SEPTIN9: variants seen among roughly 807,000 people sequenced by gnomAD.
The protein encoded by SEPTIN9 is septin 9, also known as septin-9.
Under a neutral mutation model 56.6 loss-of-function variants are expected in SEPTIN9, and 13 were observed. The observed-to-expected ratio is 0.23, with a 90% CI of 0.15 to 0.37. SEPTIN9 has a LOEUF of 0.37. Ranked by LOEUF, SEPTIN9 falls within the 10% of genes least tolerant of loss-of-function variation. The pLI is 1.00. For synonymous variants in SEPTIN9, 332 were observed against 334.1 expected, an observed-to-expected ratio of 0.99 and a Z score of 0.07; for missense variants, 650 against 823.1, an observed-to-expected ratio of 0.79 and a Z score of 2.57.
chr17:77,461,265 C>G (rs901260685), intron 3 of SEPTIN9, among the ~76,000 whole-genome samples: 11 of 152,118 alleles, frequency 7.2e-5, no homozygotes, highest in African/African-American at 2.7e-4. Context: ...GAGATCACAC[C>G]ACTGCACTCC....
intron 2 of SEPTIN9, among the ~76,000 whole-genome samples, chr17:77,379,385 C>T (rs182858281): frequency 9.5e-4 from 144 of 151,928 alleles, no homozygotes; most frequent in African/African-American, 3.3e-3. Flanking sequence ...TGGTGGAGAG[C>T]GTGCATGGTG....
At chr17:77,465,145 C>T (rs2038658359) in intron 3 of SEPTIN9, among the ~76,000 whole-genome samples, 2 of 152,238 alleles carry the variant, frequency 1.3e-5, no homozygotes, top group South Asian at 2.1e-4. Flanking sequence ...TTTCAAGGCT[C>T]ATCCACATTG....
At chr17:77,373,311 G>A (rs1337060785) in intron 2 of SEPTIN9, 1 of 1,159,702 alleles carries the variant, frequency 8.6e-7, no homozygotes, top group Non-Finnish European at 1.1e-6. Flanking sequence ...CGCGCGGGGA[G>A]GGGCCGGCGC....
chr17:77,393,150 C>T (rs1655276800), intron 2 of SEPTIN9, among the ~76,000 whole-genome samples: 1 of 152,122 alleles, frequency 6.6e-6, no homozygotes, highest in African/African-American at 2.4e-5. Context: ...TGGGAATGGG[C>T]CAGGCAGGGA....
intron 3 of SEPTIN9, among the ~76,000 whole-genome samples, chr17:77,468,689 C>T (rs1568095117): frequency 1.3e-5 from 2 of 152,188 alleles, no homozygotes; most frequent in African/African-American, 4.8e-5. Context: ...CCACAGGAAT[C>T]TGGTATATCC....
intron 2 of SEPTIN9, among the ~76,000 whole-genome samples, chr17:77,352,714 G>T (rs1661474510): frequency 6.6e-6 from 1 of 152,116 alleles, no homozygotes; most frequent in South Asian, 2.1e-4. Context: ...CTCCAGGCTG[G>T]AGTGCAGTGG....
chr17:77,376,438 C>A, intron 2 of SEPTIN9: 3 of 974,756 alleles, frequency 3.1e-6, no homozygotes, highest in Non-Finnish European at 3.7e-6. Flanking sequence ...CAGCTCCTTA[C>A]AGCGCTGGGA....
In SEPTIN9 at chr17:77,488,722, C is replaced by T. The variant is rs73377525; in HGVS notation, c.1125-5C>T. 13,187 of 1,613,616 alleles carry T rather than the reference C, an allele frequency of 8.2e-3. 147 individuals are homozygous for T. The highest frequency in any genetic ancestry group is 0.037 in the South Asian group (3,408 of 91,084). On this transcript the variant is annotated splice_region_variant and splice_polypyrimidine_tract_variant and intron_variant, in intron 6 of 11. Transcript: ENST00000427177. ...CCTGCTGACTCGTCCCCATCCCCCA[C>T]GCAGCTGGCAGCCCATCATGAAGTT...
At chr17:77,339,591 C>A (rs2033661596) in intron 2 of SEPTIN9, among the ~76,000 whole-genome samples, 1 of 151,696 alleles carries the variant, frequency 6.6e-6, no homozygotes, top group African/African-American at 2.4e-5. Context: ...CTCATTGTAA[C>A]CTCTGCCTCC....
intron 1 of SEPTIN9, among the ~76,000 whole-genome samples, chr17:77,293,479 C>G (rs1211194755): frequency 2.0e-5 from 3 of 152,006 alleles, no homozygotes; most frequent in Admixed American, 6.6e-5. Context: ...GCATTTAGAA[C>G]AGAAGGACTT....
rs2040453809 is a variant in SEPTIN9, at chr17:77,500,516, GA to G, written c.*1861del. ...TGGCCTTTTGCTACGTGCCTCCCGA[GA>G]AATTTGTCTTTTTGTATAAATGACA... On this transcript the variant is annotated 3_prime_UTR_variant, in exon 12 of 12. Coordinates refer to ENST00000427177, the MANE Select transcript of SEPTIN9 (RefSeq NM_001113491.2). 4.8e-6 allele frequency: 1 copy of G among 210,152 alleles called. No homozygotes were observed. The highest frequency in any genetic ancestry group is 2.3e-5 in the African/African-American group (1 of 43,906). 13.0% of individuals were successfully genotyped at this position (210,152 alleles called of 1,614,324 possible).
chr17:77,373,753 A>G, intron 2 of SEPTIN9: 1 of 1,072,676 alleles, frequency 9.3e-7, no homozygotes, highest in Non-Finnish European at 1.2e-6. Context: ...GGACCCTGTT[A>G]GGGGCACCCG....
At chr17:77,495,178 A>G (rs1034824563) in intron 10 of SEPTIN9, among the ~76,000 whole-genome samples, 1 of 122,038 alleles carries the variant, frequency 8.2e-6, no homozygotes, top group East Asian at 2.0e-4. Context: ...CAGGAAATGC[A>G]CAAGAGAGAG....
chr17:77,497,463 A>ACCCACTCTGCCCAGG, intron 11 of SEPTIN9, 97 bp downstream of exon 11: 2 of 1,169,766 alleles, frequency 1.7e-6, no homozygotes, highest in Non-Finnish European at 2.5e-6. Flanking sequence ...AGCCCTGGGC[A>ACCCACTCTGCCCAGG]GAGTGGGTGC....
In SEPTIN9 at chr17:77,316,704, CT is replaced by C. The variant is rs775155993; in HGVS notation, c.76+9522del. 6.0e-3 allele frequency among the ~76,000 whole-genome samples: 832 copies of C among 137,940 alleles called. 5 individuals carry two copies. Among genetic ancestry groups the C allele is most frequent in the African/African-American group, 0.018 (693 of 38,118 alleles). The allele number at this position is 137,940 out of a possible 152,430, so 90.5% of individuals were successfully genotyped here. The stretch of plus-strand genomic sequence containing the variant: ...GAGGTTAATGGGTTTTCTTCCTCTT[CT>C]TTTTTTTTTTTTTTAATTTGAGACA... On this transcript the variant is annotated intron_variant, in intron 2 of 11. Transcript: ENST00000427177.
intron 1 of SEPTIN9, among the ~76,000 whole-genome samples, chr17:77,287,144 T>G (rs772446987): frequency 6.6e-6 from 1 of 152,196 alleles, no homozygotes; most frequent in Non-Finnish European, 1.5e-5. Flanking sequence ...TGCCAGGTCA[T>G]GGTGATCTGG....
intron 2 of SEPTIN9, among the ~76,000 whole-genome samples, chr17:77,314,126 G>A (rs1255450799): frequency 3.3e-5 from 5 of 151,704 alleles, no homozygotes; most frequent in Non-Finnish European, 5.9e-5. Context: ...TTGTGATCAC[G>A]TCACTGTCCT....
At chr17:77,340,911 T>C (rs2143755605) in intron 2 of SEPTIN9, among the ~76,000 whole-genome samples, 1 of 152,370 alleles carries the variant, frequency 6.6e-6, no homozygotes, top group South Asian at 2.1e-4. Context: ...CAAACTTTCC[T>C]TCTCCAGCTT....
chr17:77,299,954 C>T (rs1801062556), intron 1 of SEPTIN9, among the ~76,000 whole-genome samples: 1 of 152,234 alleles, frequency 6.6e-6, no homozygotes, highest in Admixed American at 6.5e-5. Context: ...CAGAGGCCAA[C>T]GGCACCGCAC....
Sources: allele counts gnomAD v4.1 joint callset (sites outside exome capture counted in the v4.1 genomes callset), GRCh38; gene constraint gnomAD v4.1.1; transcripts MANE v1.5; gene names NCBI Gene and HGNC (gene_info 2026-07-23, HGNC 2026-07-21).